Variants in SNX29 observed in about 807,000 individuals in gnomAD.
SNX29 encodes sorting nexin-29.
SNX29 carries 78 observed loss-of-function variants against 102.1 expected under a neutral mutation model. The ratio of observed to expected loss-of-function variants is 0.76; its 90% CI spans 0.64 to 0.92. The LOEUF is 0.92. Among genes scored for constraint, SNX29 ranks in the 40% least tolerant of loss-of-function variants. The pLI is 0.00. For missense variants in SNX29, 1,280 were observed against 1,061.7 expected (o/e 1.21, Z -2.86); for synonymous variants, 580 against 414.5 (o/e 1.40, Z -4.85).
At chr16:12,447,955 G>A (rs1263671654) in intron 18 of SNX29, among the ~76,000 whole-genome samples, 1 of 152,148 alleles carries the variant, frequency 6.6e-6, no homozygotes, top group Non-Finnish European at 1.5e-5. Flanking sequence ...TCAGCTGATG[G>A]TAGCTGAGAT....
At chr16:12,409,038 C>A (rs923637570) in intron 18 of SNX29, among the ~76,000 whole-genome samples, 6 of 152,170 alleles carry the variant, frequency 3.9e-5, no homozygotes, top group African/African-American at 1.2e-4. Context: ...TGTGTTATGC[C>A]ACTGAAAATA....
chr16:12,195,985 C>CTTTTT (rs762409358), intron 13 of SNX29, among the ~76,000 whole-genome samples: 2 of 117,980 alleles, frequency 1.7e-5, no homozygotes, highest in African/African-American at 6.4e-5. Context: ...GTTTCTTTTC[C>CTTTTT]TTTTTTTTTT....
At chr16:12,143,955 G>A (rs34098770) in intron 13 of SNX29, among the ~76,000 whole-genome samples, 20,184 of 152,152 alleles carry the variant, frequency 0.13, 1,651 homozygotes, top group East Asian at 0.23. Flanking sequence ...GTGCAGTCAA[G>A]GTTGACAACT....
At chr16:12,420,353 C>T (rs1257429738) in intron 18 of SNX29, among the ~76,000 whole-genome samples, 1 of 152,198 alleles carries the variant, frequency 6.6e-6, no homozygotes, top group Non-Finnish European at 1.5e-5. Context: ...ATCCTGATTT[C>T]AGAGATGTCA....
intron 18 of SNX29, among the ~76,000 whole-genome samples, chr16:12,422,148 T>G (rs1307925492): frequency 2.0e-5 from 3 of 152,228 alleles, no homozygotes; most frequent in Non-Finnish European, 2.9e-5. Flanking sequence ...TTTTTCTCCT[T>G]AAAAACATAC....
intron 13 of SNX29, among the ~76,000 whole-genome samples, chr16:12,148,547 A>C (rs1350317097): frequency 6.6e-6 from 1 of 152,104 alleles, no homozygotes; most frequent in African/African-American, 2.4e-5. Context: ...CCTCCCCTGC[A>C]TGATTAGTCC....
intron 10 of SNX29, among the ~76,000 whole-genome samples, chr16:12,070,547 T>G (rs1255555520): frequency 6.6e-6 from 1 of 151,994 alleles, no homozygotes; most frequent in Admixed American, 6.6e-5. Flanking sequence ...ATGGTGTATA[T>G]GTGCCACATT....
chr16:12,207,097 G>A lies in SNX29; in HGVS notation c.1678+7414G>A, dbSNP rs887763914. 7.9e-5 allele frequency among the ~76,000 whole-genome samples: 12 copies of A among 152,234 alleles called. 1 individual carries two copies. The South Asian group carries it at 1.5e-3, about 18-fold the overall frequency. On this transcript the variant is annotated intron_variant, in intron 14 of 20. Coordinates refer to ENST00000566228, the MANE Select transcript of SNX29 (RefSeq NM_032167.5). Reference sequence around the variant, plus strand: ...AGACCTGGGAGGCTAGGCCAAGCGCGGTTGCTCACGCCTGTAATCCCAGCA... The same window carrying A: ...AGACCTGGGAGGCTAGGCCAAGCGCAGTTGCTCACGCCTGTAATCCCAGCA...
rs889223234 is a variant in SNX29 at position 12,042,223 on chromosome 16, G to T, written c.248-674G>T. ...TTTTTGCATTTTTAGTAGAGATGGG[G>T]TTTTACTGTGTTGGCCAGGCTGGTC... On this transcript the variant is annotated intron_variant, in intron 4 of 20. Coordinates refer to ENST00000566228, the MANE Select transcript of SNX29 (RefSeq NM_032167.5). Among the ~76,000 whole-genome samples the T allele has an allele frequency of 4.6e-5, 7 of 152,264 alleles. 1 individual carries two copies. The highest frequency in any genetic ancestry group is 6.8e-3 in the Middle Eastern group (2 of 294).
intron 18 of SNX29, among the ~76,000 whole-genome samples, chr16:12,405,157 C>T (rs894272557): frequency 6.6e-6 from 1 of 152,144 alleles, no homozygotes; most frequent in African/African-American, 2.4e-5. Context: ...GAAGGTGCAG[C>T]CTGGAGGATG....
intron 3 of SNX29, among the ~76,000 whole-genome samples, chr16:12,009,408 T>G (rs944545857): frequency 5.3e-5 from 8 of 151,738 alleles, no homozygotes; most frequent in African/African-American, 4.8e-5. Context: ...GTGTGAGAGA[T>G]ATATATATGT....
intron 13 of SNX29, among the ~76,000 whole-genome samples, chr16:12,164,067 G>A (rs989309337): frequency 6.6e-5 from 10 of 152,146 alleles, no homozygotes; most frequent in African/African-American, 2.4e-4. Context: ...TTTCTTAGTT[G>A]GGGAAAGCAT....
rs955163320 is a variant in SNX29 at position 12,292,658 on chromosome 16, C to T, written c.1782+14622C>T. 7.9e-5 allele frequency among the ~76,000 whole-genome samples: 12 copies of T among 152,334 alleles called. 1 individual carries two copies. Among genetic ancestry groups the T allele is most frequent in the Admixed American group, 7.2e-4 (11 of 15,302 alleles). On this transcript the variant is annotated intron_variant, in intron 15 of 20. Transcript: ENST00000566228. ...GCTTGTAGCAGTTTGGCTTGGAAGACATCTTGTAAAAAGCGTTGACTCCAG... is the reference window on the plus strand; with the variant it reads ...GCTTGTAGCAGTTTGGCTTGGAAGATATCTTGTAAAAAGCGTTGACTCCAG...
At chr16:12,048,934 A>G (rs554797073) in intron 7 of SNX29, among the ~76,000 whole-genome samples, 1 of 152,330 alleles carries the variant, frequency 6.6e-6, no homozygotes, top group South Asian at 2.1e-4. Context: ...CCTTCATCGT[A>G]TTCTGTGTGT....
intron 13 of SNX29, among the ~76,000 whole-genome samples, chr16:12,146,351 C>A (rs1597039275): frequency 6.6e-6 from 1 of 152,118 alleles, no homozygotes; most frequent in Non-Finnish European, 1.5e-5. Context: ...CTGCAACCCC[C>A]ACCTTCCAGG....
chr16:12,151,582 C>G (rs79173186), intron 13 of SNX29, among the ~76,000 whole-genome samples: 3,379 of 152,270 alleles, frequency 0.022, 132 homozygotes, highest in African/African-American at 0.076. Context: ...GGGACTCGTA[C>G]CCCACAGATC....
At chr16:12,559,738 A>ATTTCTTG (rs2078606873) in intron 20 of SNX29, among the ~76,000 whole-genome samples, 1 of 152,168 alleles carries the variant, frequency 6.6e-6, no homozygotes, top group Non-Finnish European at 1.5e-5. Flanking sequence ...TAGATGAAAT[A>ATTTCTTG]GTGATGCCCA....
chr16:12,090,792 A>G (rs968780992), intron 11 of SNX29, among the ~76,000 whole-genome samples: 6 of 152,018 alleles, frequency 3.9e-5, no homozygotes, highest in Non-Finnish European at 7.4e-5. Flanking sequence ...AGGCAGATCA[A>G]TCACCTGAGG....
intron 14 of SNX29, among the ~76,000 whole-genome samples, chr16:12,252,653 C>G (rs960743194): frequency 2.6e-5 from 4 of 152,260 alleles, no homozygotes; most frequent in Non-Finnish European, 5.9e-5. Context: ...CAGGTGACCT[C>G]CTGTCACCAC....
Sources: gnomAD v4.1 joint callset for allele counts (sites outside exome capture counted in the v4.1 genomes callset) on GRCh38, gnomAD v4.1.1 for gene constraint, MANE v1.5 for transcripts, NCBI Gene and HGNC (gene_info 2026-07-23, HGNC 2026-07-21) for gene names.